The following RAB18 variants were observed in gnomAD, a reference collection of about 807,000 sequenced individuals.
RAB18 encodes RAB18, member RAS oncogene family.
A neutral mutation model predicts 28.5 loss-of-function variants in RAB18; 10 were observed. The ratio of observed to expected loss-of-function variants is 0.35; its 90% CI spans 0.22 to 0.60. RAB18 has a LOEUF of 0.60. Ranked by LOEUF, RAB18 falls within the 20% of genes least tolerant of loss-of-function variation. The pLI is 0.78. For missense variants in RAB18, 188 were observed against 244.2 expected, an observed-to-expected ratio of 0.77 and a Z score of 1.53; for synonymous variants, 93 against 86.9, an observed-to-expected ratio of 1.07 and a Z score of -0.39.
intron 1 of RAB18, among the ~76,000 whole-genome samples, chr10:27,505,445 C>G (rs1469182826): frequency 6.6e-6 from 1 of 152,182 alleles, no homozygotes; most frequent in Non-Finnish European, 1.5e-5. Context: ...ATTCTACAAA[C>G]TAGAATGAAA....
chr10:27,533,535 G>A (rs1383833060), intron 4 of RAB18, among the ~76,000 whole-genome samples, 200 bp from the exon 5 acceptor site: 15 of 150,724 alleles, frequency 1.0e-4, no homozygotes, highest in Admixed American at 9.3e-4. Context: ...ATGTTAATAG[G>A]ATTGAAATGT....
At position 27,538,617 on chromosome 10, in the gene RAB18, A is replaced by G. The variant is rs1162004519; in HGVS notation, c.*566A>G. ...AACTAAATCTCTATTTGTTCGGATGATGCTTCTAAAACAGCATTGATAGGT... is the reference window on the plus strand; with the variant it reads ...AACTAAATCTCTATTTGTTCGGATGGTGCTTCTAAAACAGCATTGATAGGT... On this transcript the variant is annotated 3_prime_UTR_variant, in exon 7 of 7. Transcript: ENST00000356940. 2.2e-6 allele frequency: 1 copy of G among 454,420 alleles called. No individual in the cohort carries two copies. Among genetic ancestry groups the G allele is most frequent in the Non-Finnish European group, 4.4e-6 (1 of 226,776 alleles). 28.1% of individuals were successfully genotyped at this position (454,420 alleles called of 1,614,324 possible).
At chr10:27,506,158 A>G (rs181363354) in intron 1 of RAB18, among the ~76,000 whole-genome samples, 25 of 152,228 alleles carry the variant, frequency 1.6e-4, no homozygotes, top group Non-Finnish European at 8.8e-5. Flanking sequence ...GGCATATGAA[A>G]TTAGTGTTTT....
intron 2 of RAB18, chr10:27,514,099 G>A (rs1408195705): frequency 6.6e-6 from 1 of 152,198 alleles, no homozygotes; most frequent in Non-Finnish European, 1.5e-5. Context: ...AGAACTGGAG[G>A]CACTCTGGCC....
intron 3 of RAB18, chr10:27,531,580 A>G (rs1303339276): frequency 1.6e-6 from 2 of 1,227,242 alleles, no homozygotes; most frequent in Admixed American, 2.0e-5. Context: ...CCAGATAGGA[A>G]ATAGTCCAAT....
intron 2 of RAB18, chr10:27,513,968 G>A (rs774057581): frequency 1.3e-5 from 2 of 152,184 alleles, no homozygotes; most frequent in Non-Finnish European, 2.9e-5. Context: ...TATAGCAGTT[G>A]GGGAGGAGAT....
chr10:27,534,030 T>G, intron 6 of RAB18, 36 bp downstream of exon 6: 5 of 1,537,664 alleles, frequency 3.3e-6, no homozygotes, highest in Non-Finnish European at 4.5e-6. Flanking sequence ...CTTTCATTAT[T>G]AATGAGGAAT....
chr10:27,524,563 C>G (rs1834635019), intron 2 of RAB18, among the ~76,000 whole-genome samples: 1 of 152,046 alleles, frequency 6.6e-6, no homozygotes, highest in Non-Finnish European at 1.5e-5. Flanking sequence ...AAGATTCTTG[C>G]AAAGAAACTG....
rs1327816368 is a variant in RAB18, at chr10:27,533,847, C to T, written c.372C>T (p.Ile124=). The stretch of plus-strand genomic sequence containing the variant: ...TAAACATGCTAGTTGGAAATAAAAT[C>T]GATAAGGTAAGAAGGCAGACACTTG... ...DIVNMLVGNK[I]DKENREVDRN... Residue 124 remains isoleucine, a synonymous_variant, in exon 5 of 7, where the codon ATC becomes ATT. Transcript: ENST00000356940. The T allele has an allele frequency of 6.8e-6, 11 of 1,612,488 alleles. No homozygotes were observed. Among genetic ancestry groups the T allele is most frequent in the African/African-American group, 2.7e-5 (2 of 74,844 alleles).
intron 3 of RAB18, chr10:27,531,572 A>G (rs963721573): frequency 5.3e-6 from 7 of 1,313,606 alleles, no homozygotes; most frequent in Non-Finnish European, 7.5e-6. Context: ...TTAAAGAGCC[A>G]GATAGGAAAT....
chr10:27,533,669 A>G (rs1247579223), intron 4 of RAB18, 66 bp from the exon 5 acceptor site: 7 of 1,580,530 alleles, frequency 4.4e-6, no homozygotes, highest in Admixed American at 3.4e-5. Context: ...TCCTAGCTAC[A>G]TATCAGAAAT....
At chr10:27,527,578 T>TTTTA (rs143982946) in intron 3 of RAB18, among the ~76,000 whole-genome samples, 11 of 148,962 alleles carry the variant, frequency 7.4e-5, no homozygotes, top group East Asian at 2.0e-4. Context: ...ATATGATCGG[T>TTTTA]TATATATATA....
chr10:27,512,164 G>A (rs190105809), intron 2 of RAB18, among the ~76,000 whole-genome samples: 2 of 151,840 alleles, frequency 1.3e-5, no homozygotes, highest in Non-Finnish European at 2.9e-5. Flanking sequence ...CAATAAATTA[G>A]GCATTACTTA....
rs1266457536 is a variant in RAB18 at position 27,539,579 on chromosome 10, A to G, written c.*1528A>G. On this transcript the variant is annotated 3_prime_UTR_variant, in exon 7 of 7. Transcript: ENST00000356940. ...AAATTTGGAGAAAGAACACTAACAC[A>G]TGTACTTGTGATTTGTTCATGTTAT... is the stretch of plus-strand genomic sequence containing the variant. The G allele has an allele frequency of 2.3e-6, 1 of 435,352 alleles. No individual in the cohort carries two copies. Among genetic ancestry groups the G allele is most frequent in the Admixed American group, 2.6e-5 (1 of 37,848 alleles). 27.0% of individuals were successfully genotyped at this position (435,352 alleles called of 1,614,324 possible). A position where few individuals can be genotyped will look rare whatever the true frequency, so the allele number is the denominator to read the frequency against.
At chr10:27,513,675 TGTTGCCAGGAGCA>T (rs1254209849) in intron 2 of RAB18, among the ~76,000 whole-genome samples, 4 of 152,102 alleles carry the variant, frequency 2.6e-5, no homozygotes, top group Non-Finnish European at 5.9e-5. Flanking sequence ...TAGGTGGAAA[TGTTGCCAGGAGCA>T]GTGGCCATCA....
At chr10:27,537,240 G>A (rs1420163821) in intron 6 of RAB18, among the ~76,000 whole-genome samples, 1 of 152,180 alleles carries the variant, frequency 6.6e-6, no homozygotes, top group Non-Finnish European at 1.5e-5. Context: ...GATTGCTTCT[G>A]ATTTTCTCAG....
intron 2 of RAB18, among the ~76,000 whole-genome samples, chr10:27,522,848 A>T (rs1321521527): frequency 6.6e-6 from 1 of 152,038 alleles, no homozygotes; most frequent in African/African-American, 2.4e-5. Context: ...TGTACAATCT[A>T]TAAATGGTGT....
intron 2 of RAB18, among the ~76,000 whole-genome samples, chr10:27,517,506 C>T (rs1356108040): frequency 6.6e-6 from 1 of 152,148 alleles, no homozygotes; most frequent in East Asian, 1.9e-4. Flanking sequence ...ATAAAGACCT[C>T]ACTACTTTAA....
intron 2 of RAB18, chr10:27,510,135 C>T: frequency 1.7e-6 from 1 of 595,598 alleles, no homozygotes; most frequent in South Asian, 2.0e-5. Context: ...ACTTCCTTAT[C>T]TGTTGTCTCA....
Sources: allele counts gnomAD v4.1 joint callset (sites outside exome capture counted in the v4.1 genomes callset), GRCh38; gene constraint gnomAD v4.1.1; transcripts MANE v1.5; gene names NCBI Gene and HGNC (gene_info 2026-07-23, HGNC 2026-07-21).